PCNX3: variants seen among roughly 807,000 people sequenced by gnomAD.
The protein encoded by PCNX3 is pecanex 3.
A neutral mutation model predicts 207.2 loss-of-function variants in PCNX3; 58 were observed. That is an observed-to-expected ratio of 0.28 (90% CI 0.23 to 0.35). PCNX3 has a LOEUF of 0.35. PCNX3 is among the 10% of genes least tolerant of loss of function. The pLI, the probability that PCNX3 is intolerant of heterozygous loss-of-function variation, is 1.00. For missense variants in PCNX3, 2,410 were observed against 2,774.4 expected, an observed-to-expected ratio of 0.87 and a Z score of 2.95; for synonymous variants, 1,337 against 1,183.5, an observed-to-expected ratio of 1.13 and a Z score of -2.66.
At position 65,625,448 on chromosome 11, in the gene PCNX3, A is replaced by G. The variant is rs1565163280; in HGVS notation, c.3073A>G (p.Ser1025Gly). 6.2e-7 allele frequency: 1 copy of G among 1,602,672 alleles called. No homozygotes were observed. The highest frequency in any genetic ancestry group is 8.5e-7 in the Non-Finnish European group (1 of 1,177,974). ...SKLFPELEERSLETARAEPPD... is the reference protein window; with the variant it reads ...SKLFPELEERGLETARAEPPD... ...GCTGTTCCCTGAGCTGGAGGAGCGC[A>G]GCTTGGAGACAGCCCGGGCCGAGCC... is the stretch of plus-strand genomic sequence containing the variant. Residue 1025 changes from serine to glycine, a missense_variant, in exon 18 of 35, where the codon AGC becomes GGC. Transcript: ENST00000355703. The surrounding 1 kb of genome is among the most constrained non-coding windows in gnomAD (Gnocchi z 5.6).
intron 25 of PCNX3, 24 bp downstream of exon 25, chr11:65,629,439 G>A: frequency 6.2e-7 from 1 of 1,611,650 alleles, no homozygotes; most frequent in Non-Finnish European, 8.5e-7. Flanking sequence ...CATCCAAGGG[G>A]CTTTAGGGCA....
chr11:65,625,490 G>A lies in PCNX3; in HGVS notation c.3115G>A (p.Asp1039Asn). ...GGCCGAGCCCCCGGACCCCTTGCCG[G>A]ACAAGATGCGCCAGTCGGTGGTGAG... Reference protein sequence around the residue: ...ARAEPPDPLPDKMRQSVREVL... With the variant: ...ARAEPPDPLPNKMRQSVREVL... The change falls in exon 18 of 35, where the codon GAC becomes AAC. Residue 1039 changes from aspartate (D) to asparagine (N), a missense_variant. Coordinates refer to ENST00000355703, the MANE Select transcript of PCNX3 (RefSeq NM_032223.4). This position sits in a 1 kb window ranked among gnomAD's most constrained non-coding sequence, Gnocchi z 5.6. 2 of 1,438,908 alleles carry A rather than the reference G, an allele frequency of 1.4e-6. No homozygotes were observed. The allele number at this position is 1,438,908 out of a possible 1,614,324, so 89.1% of individuals were successfully genotyped here. A position where few individuals can be genotyped will look rare whatever the true frequency, so the allele number is the denominator to read the frequency against.
At chr11:65,626,729 T>G (rs1336748321) in intron 20 of PCNX3, 175 bp from the exon 21 acceptor site, 19 of 810,346 alleles carry the variant, frequency 2.3e-5, no homozygotes, top group Non-Finnish European at 2.9e-5. Flanking sequence ...AAGTGCCATG[T>G]GGAGCCCTTG....
rs1855881655 is a variant in PCNX3, at chr11:65,637,078, G to A, written c.*100G>A. On this transcript the variant is annotated 3_prime_UTR_variant, in exon 35 of 35. Transcript: ENST00000355703. The stretch of plus-strand genomic sequence containing the variant: ...AGAACTGAGTGGCTTTGGCCTACAT[G>A]TCTGAACCCTGACCTTTGGCTGCCT... The A allele has an allele frequency of 1.5e-6, 2 of 1,332,918 alleles. No homozygotes were observed. Among genetic ancestry groups the A allele is most frequent in the Non-Finnish European group, 2.0e-6 (2 of 979,262 alleles). 82.6% of individuals were successfully genotyped at this position (1,332,918 alleles called of 1,614,324 possible).
At chr11:65,629,045 G>T (rs1350322156) in intron 24 of PCNX3, 97 bp downstream of exon 24, 6 of 1,513,262 alleles carry the variant, frequency 4.0e-6, no homozygotes, top group Non-Finnish European at 5.3e-6. Flanking sequence ...CCCACAGCAG[G>T]TATGGGAGGG....
In PCNX3 at chr11:65,625,875, G is replaced by T; in HGVS notation, c.3229-29G>T. On this transcript the variant is annotated intron_variant, in intron 19 of 34. Coordinates refer to ENST00000355703, the MANE Select transcript of PCNX3 (RefSeq NM_032223.4). The surrounding 1 kb of genome is among the most constrained non-coding windows in gnomAD (Gnocchi z 5.6). The stretch of plus-strand genomic sequence containing the variant: ...GTGGTCCCTTGGCCTGCTCCCATCA[G>T]CTGAGTCTCTGGCCTCTCCCTCCTG... 1.2e-6 allele frequency: 2 copies of T among 1,607,050 alleles called. No homozygotes were observed. The highest frequency in any genetic ancestry group is 1.7e-6 in the Non-Finnish European group (2 of 1,175,956).
At chr11:65,620,275 C>T (rs780800450) in intron 8 of PCNX3, 64 bp from the exon 9 acceptor site, 34 of 1,490,324 alleles carry the variant, frequency 2.3e-5, no homozygotes, top group East Asian at 7.1e-5. Context: ...CTGGTGCCCA[C>T]GTGAGCCGGG....
At chr11:65,622,109 G>A (rs899283221) in intron 10 of PCNX3, 136 bp from the exon 11 acceptor site, 7 of 1,418,236 alleles carry the variant, frequency 4.9e-6, no homozygotes, top group Non-Finnish European at 6.5e-6. Flanking sequence ...TTTATGTGCT[G>A]ATGGAAATGG....
At chr11:65,621,869 G>T (rs1047813475) in intron 10 of PCNX3, among the ~76,000 whole-genome samples, 5 of 152,248 alleles carry the variant, frequency 3.3e-5, no homozygotes, top group African/African-American at 9.6e-5. Flanking sequence ...ACAGTGACAG[G>T]CCCTGTCTGG....
At chr11:65,616,503 G>A in intron 1 of PCNX3, 39 bp downstream of exon 1, 1 of 1,575,816 alleles carries the variant, frequency 6.3e-7, no homozygotes, top group Non-Finnish European at 8.6e-7. Context: ...AGCCGGGAGA[G>A]GGAGGGCAGC....
In PCNX3 at chr11:65,627,025, C is replaced by A; in HGVS notation, c.3501C>A (p.Ser1167Arg). The A allele has an allele frequency of 6.5e-7, 1 of 1,530,408 alleles. No individual in the cohort carries two copies. The allele number at this position is 1,530,408 out of a possible 1,614,324, so 94.8% of individuals were successfully genotyped here. A position where few individuals can be genotyped will look rare whatever the true frequency, so the allele number is the denominator to read the frequency against. ...CGGTGGACGCCCACACAGTCGTCAGCCACCCGGACAAGTACTGCTTCTAGT... is the reference window on the plus strand; with the variant it reads ...CGGTGGACGCCCACACAGTCGTCAGACACCCGGACAAGTACTGCTTCTAGT... Reference protein sequence around the residue: ...ALTVDAHTVVSHPDKYCFYCR... With the variant: ...ALTVDAHTVVRHPDKYCFYCR... The change falls in exon 21 of 35, where the codon AGC becomes AGA. Residue 1167 changes from serine to arginine, a missense_variant. Ser to Arg is a moderately radical substitution (Grantham distance 110). Transcript: ENST00000355703.
chr11:65,629,938 C>T (rs1356571709), intron 26 of PCNX3, among the ~76,000 whole-genome samples: 2 of 152,224 alleles, frequency 1.3e-5, no homozygotes, highest in Admixed American at 6.5e-5. Context: ...AGCCCTGTGC[C>T]TGCCCCAACT....
intron 2 of PCNX3, 24 bp downstream of exon 2, chr11:65,617,035 G>A (rs1228259082): frequency 1.3e-6 from 2 of 1,574,966 alleles, no homozygotes; most frequent in African/African-American, 2.7e-5. Context: ...GGGCTGTGCT[G>A]GGGATTGAGG....
Position 65,635,708 on chromosome 11 carries a change from C to G in PCNX3, c.5364C>G (p.Thr1788=). 2 of 1,609,816 alleles carry G rather than the reference C, an allele frequency of 1.2e-6. No individual in the cohort carries two copies. Among genetic ancestry groups the G allele is most frequent in the South Asian group, 2.2e-5 (2 of 90,480 alleles). Residue 1788 remains threonine, a synonymous_variant, in exon 32 of 35, where the codon ACC becomes ACG. Coordinates refer to ENST00000355703, the MANE Select transcript of PCNX3 (RefSeq NM_032223.4). The surrounding 1 kb of genome is among the most constrained non-coding windows in gnomAD (Gnocchi z 9.9). The stretch of plus-strand genomic sequence containing the variant: ...CCATCTACGTGTCGCCTCTCACCAC[C>G]TCGCTGGCTGGCAGCCACCCCCAGC... ...GYPIYVSPLT[T]SLAGSHPQLR...
intron 12 of PCNX3, 110 bp from the exon 13 acceptor site, chr11:65,623,819 C>T: frequency 6.4e-7 from 1 of 1,558,588 alleles, no homozygotes; most frequent in Non-Finnish European, 8.8e-7. Context: ...AGTTCGGGGG[C>T]CTGACCTGGT....
chr11:65,632,527 C>T (rs1246729792), intron 27 of PCNX3, among the ~76,000 whole-genome samples: 2 of 138,584 alleles, frequency 1.4e-5, no homozygotes, highest in Non-Finnish European at 3.1e-5. Context: ...TGAGGCTGCA[C>T]GGAGTCTGGG....
rs1416765172 is a variant in PCNX3 at position 65,618,403 on chromosome 11, C to T, written c.1041C>T (p.Ala347=). ...TDPPSEAELP[A]SPDAGVPSDD... is the part of the protein sequence containing the mutation. ...CACCCTCTGAGGCTGAGCTGCCTGC[C>T]TCACCAGACGCCGGGGTCCCCTCAG... The change falls in exon 6 of 35, where the codon GCC becomes GCT. Residue 347 remains alanine, a synonymous_variant. Transcript: ENST00000355703. 3 of 1,612,770 alleles carry T rather than the reference C, an allele frequency of 1.9e-6. No homozygotes were observed. In the Admixed American group the frequency reaches 5.0e-5, roughly 27 times the overall value.
chr11:65,634,682 AC>A, intron 29 of PCNX3, 41 bp downstream of exon 29: 1 of 1,496,264 alleles, frequency 6.7e-7, no homozygotes, highest in Non-Finnish European at 9.0e-7. Context: ...TGCCGTCCCC[AC>A]CCCACCTCTT....
Position 65,625,795 on chromosome 11 carries a change from GCTCAATCTGAGTGCCGTGGGCAGCCC to G in PCNX3, c.3228+55_3228+80del. 1 of 1,596,896 alleles carries G rather than the reference GCTCAATCTGAGTGCCGTGGGCAGCCC, an allele frequency of 6.3e-7. No individual in the cohort carries two copies. Among genetic ancestry groups the G allele is most frequent in the Non-Finnish European group, 8.5e-7 (1 of 1,172,988 alleles). ...CCTCTCGCTGTCTTGGCGGGAGCCT[GCTCAATCTGAGTGCCGTGGGCAGCCC>G]CTCCCCGGCCTGTGCCAGGTGGCCC... is the stretch of plus-strand genomic sequence containing the variant. On this transcript the variant is annotated intron_variant, in intron 19 of 34. Coordinates refer to ENST00000355703, the MANE Select transcript of PCNX3 (RefSeq NM_032223.4). The surrounding 1 kb of genome is among the most constrained non-coding windows in gnomAD (Gnocchi z 5.6).
Sources: allele counts gnomAD v4.1 joint callset (sites outside exome capture counted in the v4.1 genomes callset), GRCh38; gene constraint gnomAD v4.1.1; non-coding constraint Gnocchi (gnomAD v3.1); transcripts MANE v1.5; gene names NCBI Gene and HGNC (gene_info 2026-07-23, HGNC 2026-07-21).